NUP188: variants seen among roughly 807,000 people sequenced by gnomAD.
NUP188 encodes the protein nucleoporin NUP188.
NUP188 carries 97 observed loss-of-function variants against 223.0 expected under a neutral mutation model. The ratio of observed to expected loss-of-function variants is 0.43; its 90% confidence interval spans 0.37 to 0.51. NUP188 has a LOEUF of 0.51. Ranked by LOEUF, NUP188 falls within the 20% of genes least tolerant of loss-of-function variation. The probability of loss-of-function intolerance (pLI) is 0.00; values close to 1 mark genes in which losing one functional copy is unlikely to be tolerated. For synonymous variants in NUP188, 869 were observed against 828.0 expected (o/e 1.05, Z -0.85); for missense variants, 1,947 against 2,175.6 (o/e 0.89, Z 2.09).
chr9:128,996,118 T>C (rs1842520969), intron 30 of NUP188, among the ~76,000 whole-genome samples: 1 of 152,094 alleles, frequency 6.6e-6, no homozygotes, highest in South Asian at 2.1e-4. Flanking sequence ...GACTTGGTAT[T>C]GAAGTGTTCT....
chr9:128,959,234 C>T, intron 8 of NUP188, 100 bp downstream of exon 8: 2 of 822,918 alleles, frequency 2.4e-6, no homozygotes, highest in Non-Finnish European at 3.5e-6. Flanking sequence ...CGGCTCACTG[C>T]AACCTCCATC....
intron 8 of NUP188, among the ~76,000 whole-genome samples, chr9:128,967,358 GATAC>G (rs1401338629): frequency 2.0e-5 from 3 of 152,136 alleles, no homozygotes; most frequent in Non-Finnish European, 2.9e-5. Flanking sequence ...TAATTTTTAA[GATAC>G]ATTGTTGCAG....
chr9:128,972,808 A>G (rs1842121061), intron 11 of NUP188, among the ~76,000 whole-genome samples: 2 of 151,984 alleles, frequency 1.3e-5, no homozygotes, highest in South Asian at 4.2e-4. Context: ...ACTCGTTGTC[A>G]CTGGTTGGCT....
intron 30 of NUP188, among the ~76,000 whole-genome samples, chr9:128,997,947 C>T (rs1447645097): frequency 6.6e-6 from 1 of 151,216 alleles, no homozygotes; most frequent in Non-Finnish European, 1.5e-5. Flanking sequence ...TCTTGATCTC[C>T]TGACCTCGTG....
Position 128,986,626 on chromosome 9 carries a change from T to C in NUP188, c.2145T>C (p.Leu715=), listed in dbSNP as rs780794080. The C allele has an allele frequency of 2.8e-5, 46 of 1,614,100 alleles. No individual in the cohort carries two copies. The highest frequency in any genetic ancestry group is 1.3e-4 in the Admixed American group (8 of 60,002). Residue 715 remains leucine (L), a synonymous_variant, in exon 21 of 44, where the codon CTT becomes CTC. Coordinates refer to ENST00000372577, the MANE Select transcript of NUP188 (RefSeq NM_015354.3). Reference sequence around the variant, plus strand: ...TAATGTTTGTGCTGAAGGAGATGCTTCCCAGCTACCATAAGTGGCGCTACA... The same window carrying C: ...TAATGTTTGTGCTGAAGGAGATGCTCCCCAGCTACCATAAGTGGCGCTACA... The part of the protein sequence containing the change: ...PCVMFVLKEM[L]PSYHKWRYNS...
rs1178325049 is a variant in NUP188, at chr9:128,987,127, G to GTA, written c.2264+253_2264+254insAT. 1.1e-4 allele frequency among the ~76,000 whole-genome samples: 17 copies of GTA among 148,026 alleles called. No individual in the cohort carries two copies. In the South Asian group the frequency reaches 3.5e-3, roughly 31 times the overall value. ...TGTGTGTGTGTGTGTGTGTGTGTGTGTGTGTATGTGTATACATACACTAAT... is the reference window on the plus strand; with the variant it reads ...TGTGTGTGTGTGTGTGTGTGTGTGTGTATGTGTATGTGTATACATACACTAAT... On this transcript the variant is annotated intron_variant, in intron 22 of 43. Transcript: ENST00000372577.
chr9:128,994,593 G>A, intron 28 of NUP188, 151 bp downstream of exon 28: 1 of 722,088 alleles, frequency 1.4e-6, no homozygotes, highest in East Asian at 2.5e-5. Context: ...GGAAGTGCCA[G>A]CTTTCTGTCC....
chr9:128,947,914 C>CCGCG, intron 1 of NUP188, 163 bp downstream of exon 1: 1 of 535,602 alleles, frequency 1.9e-6, no homozygotes, highest in Non-Finnish European at 2.9e-6. Flanking sequence ...CAAACGGTCC[C>CCGCG]CGCGCGCGGG....
At chr9:128,990,280 CCT>C (rs1842397661) in intron 25 of NUP188, 54 bp downstream of exon 25, 11 of 1,407,748 alleles carry the variant, frequency 7.8e-6, no homozygotes, top group South Asian at 6.9e-5. Flanking sequence ...TTTTTTTCCC[CCT>C]GATTACAAAA....
chr9:128,991,711 C>T (rs1357398372), intron 25 of NUP188, among the ~76,000 whole-genome samples: 2 of 149,368 alleles, frequency 1.3e-5, no homozygotes, highest in African/African-American at 2.5e-5. Context: ...GGTGTGGCTG[C>T]GTGTGCCTGT....
At chr9:129,000,786 C>T (rs1029487864) in intron 34 of NUP188, among the ~76,000 whole-genome samples, 8 of 151,840 alleles carry the variant, frequency 5.3e-5, no homozygotes, top group East Asian at 2.0e-4. Context: ...CGCCTGTAAT[C>T]CCAGCACTTT....
At chr9:128,988,220 G>A (rs1170692951) in intron 24 of NUP188, 34 bp downstream of exon 24, 19 of 1,609,174 alleles carry the variant, frequency 1.2e-5, no homozygotes, top group Non-Finnish European at 1.5e-5. Context: ...AACATGGTAT[G>A]TATTTCTCTT....
In NUP188 at chr9:128,999,239, G is replaced by A. The variant is rs761347742; in HGVS notation, c.3583G>A (p.Asp1195Asn). 40 of 1,613,902 alleles carry A rather than the reference G, an allele frequency of 2.5e-5. No individual in the cohort carries two copies. Among genetic ancestry groups the A allele is most frequent in the Middle Eastern group, 1.6e-4 (1 of 6,084 alleles). ...TEILEGVLQADQQLMEKTKAK... is the reference protein window; with the variant it reads ...TEILEGVLQANQQLMEKTKAK... ...GATCCTGGAGGGAGTGCTGCAGGCCGACCAGCAACTCATGGAGAAGACCAA... is the reference window on the plus strand; with the variant it reads ...GATCCTGGAGGGAGTGCTGCAGGCCAACCAGCAACTCATGGAGAAGACCAA... The change falls in exon 33 of 44, where the codon GAC (aspartate) becomes AAC (asparagine). Residue 1195 changes from aspartate to asparagine, a missense_variant. Coordinates refer to ENST00000372577, the MANE Select transcript of NUP188 (RefSeq NM_015354.3).
intron 38 of NUP188, chr9:129,004,855 C>T (rs1197921065): frequency 4.2e-6 from 2 of 476,444 alleles, no homozygotes; most frequent in South Asian, 2.7e-5. Flanking sequence ...AGCTGGGTCT[C>T]AGGGAGACAG....
At position 128,988,203 on chromosome 9, in the gene NUP188, C is replaced by T. The variant is rs772647279; in HGVS notation, c.2533+17C>T. ...CACAACATGGTATGTATTTCTCTTC[C>T]AGTCACAACATGGTATGTATTTCTC... On this transcript the variant is annotated intron_variant, in intron 24 of 43. Coordinates refer to ENST00000372577, the MANE Select transcript of NUP188 (RefSeq NM_015354.3). 3 of 1,613,460 alleles carry T rather than the reference C, an allele frequency of 1.9e-6. No homozygotes were observed. Among genetic ancestry groups the T allele is most frequent in the Non-Finnish European group, 2.5e-6 (3 of 1,179,670 alleles).
chr9:128,950,576 C>T (rs1226007446), intron 2 of NUP188, among the ~76,000 whole-genome samples: 1 of 152,148 alleles, frequency 6.6e-6, no homozygotes, highest in African/African-American at 2.4e-5. Flanking sequence ...TGCAGTGGCT[C>T]ATGCCTGTAA....
At chr9:128,996,573 G>C (rs1473832828) in intron 30 of NUP188, among the ~76,000 whole-genome samples, 1 of 152,140 alleles carries the variant, frequency 6.6e-6, no homozygotes, top group Non-Finnish European at 1.5e-5. Flanking sequence ...GGAGCTTTGA[G>C]CCTAGGAGGG....
chr9:128,954,415 C>T (rs1841839891), intron 3 of NUP188, among the ~76,000 whole-genome samples: 3 of 126,728 alleles, frequency 2.4e-5, no homozygotes, highest in East Asian at 2.4e-4. Context: ...GATGGAGTCT[C>T]GCTCTGTGGC....
intron 15 of NUP188, among the ~76,000 whole-genome samples, chr9:128,981,645 C>A (rs957363327): frequency 6.6e-6 from 1 of 152,160 alleles, no homozygotes; most frequent in African/African-American, 2.4e-5. Flanking sequence ...AATAGCCTCA[C>A]CGTTTTAATC....
Sources: gnomAD v4.1 joint callset for allele counts (sites outside exome capture counted in the v4.1 genomes callset) on GRCh38, gnomAD v4.1.1 for gene constraint, MANE v1.5 for transcripts, NCBI Gene and HGNC (gene_info 2026-07-23, HGNC 2026-07-21) for gene names.